Variants in UNK observed in about 807,000 individuals in gnomAD.
UNK encodes the protein unk zinc finger.
A neutral mutation model predicts 97.6 loss-of-function variants in UNK; 32 were observed. The ratio of observed to expected loss-of-function variants is 0.33; its 90% CI spans 0.25 to 0.44. The LOEUF (loss-of-function observed/expected upper bound fraction) is 0.44. Among genes scored for constraint, UNK ranks in the 20% least tolerant of loss-of-function variants. The pLI, the probability that UNK is intolerant of heterozygous loss-of-function variation, is 1.00. For missense variants in UNK, 771 were observed against 1,098.4 expected (o/e 0.70, Z 4.21); for synonymous variants, 441 against 461.2 (o/e 0.96, Z 0.56).
intron 1 of UNK, among the ~76,000 whole-genome samples, chr17:75,795,321 TTTGTTGTTG>T (rs542714810): frequency 1.2e-4 from 18 of 151,736 alleles, no homozygotes; most frequent in African/African-American, 2.2e-4. Flanking sequence ...TTGTGGGCTT[TTTGTTGTTG>T]TTGTTGTTGT....
At chr17:75,793,317 G>A (rs183555347) in intron 1 of UNK, 11 of 640,426 alleles carry the variant, frequency 1.7e-5, no homozygotes, top group Non-Finnish European at 9.7e-6. Flanking sequence ...TTTAAGGACA[G>A]GCCATGTGTT....
Position 75,823,400 on chromosome 17 carries a change from C to A in UNK, c.2155C>A (p.Arg719=), listed in dbSNP as rs572582056. Residue 719 remains arginine, a synonymous_variant, in exon 15 of 16, where the codon CGG becomes AGG. Coordinates refer to ENST00000589666, the MANE Select transcript of UNK (RefSeq NM_001080419.3). ...GAAGAAGCTCCAGGAGGAGCTGGAG[C>A]GGCTACACGCGGGGCCTGAGCCCCA... ...QVKKLQEELE[R]LHAGPEPQAL... 8 of 1,605,662 alleles carry A rather than the reference C, an allele frequency of 5.0e-6. No homozygotes were observed. In the South Asian group the frequency reaches 7.7e-5, roughly 16 times the overall value.
chr17:75,819,014 G>T lies in UNK; in HGVS notation c.1546+198G>T. The T allele has an allele frequency of 1.8e-6, 1 of 556,424 alleles. No homozygotes were observed. The allele number at this position is 556,424 out of a possible 1,614,324, so 34.5% of individuals were successfully genotyped here. ...TGTAGGGCCAGGACTGACCCTTAGA[G>T]CTCCTTTGTGCAAATTAGAAAGAGG... On this transcript the variant is annotated intron_variant, in intron 11 of 15. Coordinates refer to ENST00000589666, the MANE Select transcript of UNK (RefSeq NM_001080419.3). This position sits in a 1 kb window ranked among gnomAD's most constrained non-coding sequence, Gnocchi z 5.4.
In UNK at chr17:75,817,974, G is replaced by A; in HGVS notation, c.1306-129G>A. On this transcript the variant is annotated intron_variant, in intron 9 of 15. Transcript: ENST00000589666. This position sits in a 1 kb window ranked among gnomAD's most constrained non-coding sequence, Gnocchi z 5.8. ...GGGGTGGGGAGGAAGAAGGGGGTGT[G>A]TGCATGCATGTGAAGAGGGGTTGCA... 1 of 832,724 alleles carries A rather than the reference G, an allele frequency of 1.2e-6. No homozygotes were observed. Among genetic ancestry groups the A allele is most frequent in the East Asian group, 2.6e-5 (1 of 38,356 alleles). 51.6% of individuals were successfully genotyped at this position (832,724 alleles called of 1,614,324 possible). A position where few individuals can be genotyped will look rare whatever the true frequency, so the allele number is the denominator to read the frequency against.
intron 2 of UNK, among the ~76,000 whole-genome samples, chr17:75,810,496 G>A (rs1291511330): frequency 6.6e-6 from 1 of 152,208 alleles, no homozygotes; most frequent in Non-Finnish European, 1.5e-5. Context: ...ACACCTGGGA[G>A]TGTCACCGAC....
Position 75,812,523 on chromosome 17 carries a change from C to A in UNK, c.560C>A (p.Ser187Ter). ...TTVEGSIEGQ[S>*]AGAASHAMIE... ...GTAGAGGGGAGCATAGAGGGCCAGT[C>A]GGCTGGGGCTGCGAGCCATGCCATG... The change falls in exon 4 of 16, where the codon TCG becomes TAG. Residue 187 changes from serine (S) to a stop codon, truncating the protein, a stop_gained. Coordinates refer to ENST00000589666, the MANE Select transcript of UNK (RefSeq NM_001080419.3). LOFTEE classifies it high-confidence loss of function. 1.2e-6 allele frequency: 2 copies of A among 1,612,712 alleles called. No individual in the cohort carries two copies. The highest frequency in any genetic ancestry group is 2.2e-5 in the South Asian group (2 of 90,970).
intron 13 of UNK, among the ~76,000 whole-genome samples, chr17:75,820,816 C>T (rs2062060880): frequency 6.6e-6 from 1 of 152,188 alleles, no homozygotes. Context: ...CAGCTGCAGA[C>T]ACCAGGAGCT....
intron 1 of UNK, chr17:75,794,305 T>C (rs2061786728): frequency 6.5e-6 from 3 of 461,340 alleles, no homozygotes; most frequent in Non-Finnish European, 8.5e-6. Context: ...CTGAGGCTTA[T>C]TTGCTACTAC....
intron 1 of UNK, among the ~76,000 whole-genome samples, chr17:75,800,750 TAAATA>T (rs2061849340): frequency 1.3e-5 from 2 of 151,300 alleles, no homozygotes; most frequent in South Asian, 4.2e-4. Flanking sequence ...AAATAAAAAA[TAAATA>T]AAATAACGCT....
chr17:75,790,695 C>T (rs1318391639), intron 1 of UNK, among the ~76,000 whole-genome samples: 1 of 151,970 alleles, frequency 6.6e-6, no homozygotes, highest in Non-Finnish European at 1.5e-5. Context: ...CTTTGGGAGG[C>T]CGAGGCGAGT....
chr17:75,806,423 A>G (rs1335777276), intron 1 of UNK, among the ~76,000 whole-genome samples: 1 of 147,328 alleles, frequency 6.8e-6, no homozygotes, highest in Non-Finnish European at 1.5e-5. Flanking sequence ...AGATCGCACC[A>G]CTGCACTCTA....
intron 13 of UNK, chr17:75,821,707 T>G (rs1447474543): frequency 2.2e-6 from 1 of 456,172 alleles, no homozygotes; most frequent in South Asian, 1.5e-5. Context: ...ATGGGCAGAG[T>G]GAGGCCAGAG....
rs770635654 is a variant in UNK, at chr17:75,785,002, C to A, written c.104+18C>A. On this transcript the variant is annotated intron_variant, in intron 1 of 15. Transcript: ENST00000589666. Reference sequence around the variant, plus strand: ...CACTACACGTACGTAGAGCCCCCCCCCCCCCGCCGCGCGCGCACGCCTGAC... The same window carrying A: ...CACTACACGTACGTAGAGCCCCCCCACCCCCGCCGCGCGCGCACGCCTGAC... 26 of 1,400,764 alleles carry A rather than the reference C, an allele frequency of 1.9e-5. No homozygotes were observed. The highest frequency in any genetic ancestry group is 3.1e-5 in the South Asian group (2 of 63,780). 86.8% of individuals were successfully genotyped at this position (1,400,764 alleles called of 1,614,324 possible). A position where few individuals can be genotyped will look rare whatever the true frequency, so the allele number is the denominator to read the frequency against.
chr17:75,806,102 CA>C (rs112228363), intron 1 of UNK, among the ~76,000 whole-genome samples: 5,772 of 68,428 alleles, frequency 0.084, 236 homozygotes, highest in African/African-American at 0.19. Context: ...GACTCCGTCT[CA>C]AAAAAAAAAA....
chr17:75,786,490 A>G (rs921339696), intron 1 of UNK, among the ~76,000 whole-genome samples: 4 of 152,250 alleles, frequency 2.6e-5, no homozygotes, highest in African/African-American at 9.6e-5. Flanking sequence ...TGGAATTGAC[A>G]GGTGAAACAA....
chr17:75,791,902 G>C lies in UNK; in HGVS notation c.104+6918G>C. On this transcript the variant is annotated intron_variant, in intron 1 of 15. Coordinates refer to ENST00000589666, the MANE Select transcript of UNK (RefSeq NM_001080419.3). ...GAGCAACTTAGAGAAATCCATCTTG[G>C]GCACACTCTATAAAGGAGCTCCTTC... 3.0e-6 allele frequency: 3 copies of C among 985,310 alleles called. No homozygotes were observed. The South Asian group carries it at 1.4e-4, about 46-fold the overall frequency. 61.0% of individuals were successfully genotyped at this position (985,310 alleles called of 1,614,324 possible).
rs2061975495 is a variant in UNK, at chr17:75,812,212, A to T, written c.415A>T (p.Asn139Tyr). 1.2e-6 allele frequency: 2 copies of T among 1,614,022 alleles called. No homozygotes were observed. Among genetic ancestry groups the T allele is most frequent in the East Asian group, 4.5e-5 (2 of 44,864 alleles). The change falls in exon 3 of 16, where the codon AAC (asparagine) becomes TAC (tyrosine). Residue 139 changes from asparagine to tyrosine, a missense_variant. Physicochemically the swap from Asn to Tyr is moderately radical, Grantham distance 143. Transcript: ENST00000589666. ...CATCCACGAGACAGACTCGAAAGGC[A>T]ACTGCACCAAAAACGGCCTGCACTG... ...ICIHETDSKG[N>Y]CTKNGLHCAF...
intron 1 of UNK, among the ~76,000 whole-genome samples, chr17:75,797,729 T>C (rs2061819643): frequency 6.6e-6 from 1 of 152,170 alleles, no homozygotes; most frequent in Non-Finnish European, 1.5e-5. Context: ...GTTTCCTCAC[T>C]GGCCGCTCCA....
In UNK at chr17:75,817,989, G is replaced by A. The variant is rs1394632006; in HGVS notation, c.1306-114G>A. 2 of 963,884 alleles carry A rather than the reference G, an allele frequency of 2.1e-6. No homozygotes were observed. The highest frequency in any genetic ancestry group is 3.3e-6 in the Non-Finnish European group (2 of 614,766). 59.7% of individuals were successfully genotyped at this position (963,884 alleles called of 1,614,324 possible). ...AAGGGGGTGTGTGCATGCATGTGAA[G>A]AGGGGTTGCATGTCTGCCACCACCT... On this transcript the variant is annotated intron_variant, in intron 9 of 15. Transcript: ENST00000589666. The surrounding 1 kb of genome is among the most constrained non-coding windows in gnomAD (Gnocchi z 5.8).
Sources: gnomAD v4.1 joint callset for allele counts (sites outside exome capture counted in the v4.1 genomes callset) on GRCh38, gnomAD v4.1.1 for gene constraint, Gnocchi (gnomAD v3.1) non-coding constraint, MANE v1.5 for transcripts, NCBI Gene and HGNC (gene_info 2026-07-23, HGNC 2026-07-21) for gene names.